The following PLXNC1 variants were observed in gnomAD, a reference collection of about 807,000 sequenced individuals.
The protein encoded by PLXNC1 is plexin C1, also known as plexin-C1.
PLXNC1 carries 75 observed loss-of-function variants against 178.2 expected under a neutral mutation model. The observed-to-expected ratio is 0.42, with a 90% CI of 0.35 to 0.51. The LOEUF (loss-of-function observed/expected upper bound fraction) is 0.51, where lower values mean the gene tolerates loss of function less well. Ranked by LOEUF, PLXNC1 falls within the 20% of genes least tolerant of loss-of-function variation. The probability of loss-of-function intolerance (pLI) is 0.02; values close to 1 mark genes in which losing one functional copy is unlikely to be tolerated. For missense variants in PLXNC1, 1,503 were observed against 1,984.4 expected (o/e 0.76, Z 4.61); for synonymous variants, 790 against 779.9 (o/e 1.01, Z -0.22).
chr12:94,265,384 C>T (rs938283152), intron 21 of PLXNC1, among the ~76,000 whole-genome samples, 159 bp downstream of exon 21: 14 of 152,104 alleles, frequency 9.2e-5, no homozygotes, highest in African/African-American at 1.2e-4. Context: ...ACTGTTAACA[C>T]GTGTTCACAT....
intron 4 of PLXNC1, among the ~76,000 whole-genome samples, chr12:94,190,123 C>T (rs141492583): frequency 2.0e-5 from 3 of 152,146 alleles, no homozygotes; most frequent in Non-Finnish European, 2.9e-5. Context: ...TTGAGAGGGG[C>T]CTGGGGAAGC....
intron 25 of PLXNC1, 33 bp from the exon 26 acceptor site, chr12:94,297,283 C>T: frequency 1.2e-6 from 2 of 1,612,358 alleles, no homozygotes; most frequent in Non-Finnish European, 1.7e-6. Context: ...AGAGTGGTCT[C>T]CTTGGGTAAC....
intron 1 of PLXNC1, among the ~76,000 whole-genome samples, chr12:94,164,860 C>T (rs938692045): frequency 6.6e-6 from 1 of 152,046 alleles, no homozygotes; most frequent in Non-Finnish European, 1.5e-5. Flanking sequence ...AGCCGGCAAA[C>T]GTGTAGGCGT....
intron 20 of PLXNC1, chr12:94,262,434 TG>T (rs1443903302): frequency 2.1e-6 from 2 of 937,866 alleles, no homozygotes; most frequent in African/African-American, 3.6e-5. Context: ...GGGCTGCTCT[TG>T]GGCATTAGAG....
In PLXNC1 at chr12:94,306,211, T is replaced by TC. The variant is rs769891544; in HGVS notation, c.*926_*927insC. Reference sequence around the variant, plus strand: ...TTCTGGTGAACCCTGTGGTTATGAATACTTGTGTGTGATTTAAAAAAAAAA... The same window carrying TC: ...TTCTGGTGAACCCTGTGGTTATGAATCACTTGTGTGTGATTTAAAAAAAAAA... On this transcript the variant is annotated 3_prime_UTR_variant, in exon 31 of 31. Transcript: ENST00000258526. 6.6e-6 allele frequency: 1 copy of TC among 151,832 alleles called. No individual in the cohort carries two copies. Among genetic ancestry groups the TC allele is most frequent in the Non-Finnish European group, 1.5e-5 (1 of 67,996 alleles). 9.4% of individuals were successfully genotyped at this position (151,832 alleles called of 1,614,324 possible).
intron 23 of PLXNC1, among the ~76,000 whole-genome samples, chr12:94,287,723 G>T (rs1592946076): frequency 6.6e-6 from 1 of 152,222 alleles, no homozygotes; most frequent in East Asian, 1.9e-4. Flanking sequence ...AGTAAGGTCA[G>T]CAATGCTTCT....
intron 11 of PLXNC1, among the ~76,000 whole-genome samples, chr12:94,243,125 T>A (rs1481619790): frequency 1.3e-5 from 2 of 152,230 alleles, no homozygotes; most frequent in African/African-American, 2.4e-5. Flanking sequence ...CCCTTCCCCA[T>A]TGTGGCTGGA....
intron 11 of PLXNC1, among the ~76,000 whole-genome samples, chr12:94,242,530 ACCAC>A (rs1964419120): frequency 6.6e-6 from 1 of 151,594 alleles, no homozygotes; most frequent in Non-Finnish European, 1.5e-5. Flanking sequence ...TACCTCTTTA[ACCAC>A]CCACGTCTCT....
intron 21 of PLXNC1, among the ~76,000 whole-genome samples, chr12:94,270,394 G>A (rs995507855): frequency 6.6e-6 from 1 of 152,162 alleles, no homozygotes; most frequent in Admixed American, 6.5e-5. Context: ...ATACTTTCTG[G>A]CCCTTTGCAG....
At chr12:94,227,293 A>G in intron 9 of PLXNC1, 58 bp downstream of exon 9, 1 of 951,774 alleles carries the variant, frequency 1.1e-6, no homozygotes, top group Middle Eastern at 2.1e-4. Context: ...GACCATGACC[A>G]CAACTCATAC....
intron 5 of PLXNC1, 152 bp from the exon 6 acceptor site, chr12:94,219,864 C>T (rs1963745499): frequency 7.5e-6 from 3 of 399,092 alleles, no homozygotes. Flanking sequence ...CAGTGTCTTG[C>T]TCTGTCACCC....
At position 94,300,937 on chromosome 12, in the gene PLXNC1, C is replaced by T. The variant is rs540349198; in HGVS notation, c.4266C>T (p.Ile1422=). The part of the protein sequence containing the change: ...NSLPLRFWVN[I]LKNPQFVFDI... ...TTCCTCTTCGCTTCTGGGTAAACATCCTGAAGAACCCTCAGTTTGTCTTTG... is the reference window on the plus strand; with the variant it reads ...TTCCTCTTCGCTTCTGGGTAAACATTCTGAAGAACCCTCAGTTTGTCTTTG... Residue 1422 remains isoleucine (I), a synonymous_variant, in exon 28 of 31, where the codon ATC becomes ATT. Coordinates refer to ENST00000258526, the MANE Select transcript of PLXNC1 (RefSeq NM_005761.3). The T allele has an allele frequency of 2.5e-6, 4 of 1,613,022 alleles. No homozygotes were observed. Among genetic ancestry groups the T allele is most frequent in the African/African-American group, 2.7e-5 (2 of 75,004 alleles).
chr12:94,212,266 T>G (rs528741835), intron 5 of PLXNC1, among the ~76,000 whole-genome samples: 1 of 80,786 alleles, frequency 1.2e-5, no homozygotes, highest in Non-Finnish European at 2.2e-5. Flanking sequence ...AGAGCGAGAC[T>G]CCGTCTCAAA....
intron 2 of PLXNC1, among the ~76,000 whole-genome samples, chr12:94,179,527 G>A (rs969285696): frequency 6.6e-6 from 1 of 152,146 alleles, no homozygotes; most frequent in African/African-American, 2.4e-5. Flanking sequence ...GATCACCTCA[G>A]GTCAGGAGTT....
At chr12:94,231,450 C>T (rs1218211360) in intron 9 of PLXNC1, among the ~76,000 whole-genome samples, 1 of 152,096 alleles carries the variant, frequency 6.6e-6, no homozygotes, top group Non-Finnish European at 1.5e-5. Context: ...TCGCTTTATT[C>T]TTCAGTGGCA....
chr12:94,249,791 G>A (rs144976804), intron 14 of PLXNC1, among the ~76,000 whole-genome samples: 3,477 of 152,238 alleles, frequency 0.023, 54 homozygotes, highest in East Asian at 0.061. Flanking sequence ...AGCCTACGCT[G>A]TGATGGGGAC....
At position 94,248,106 on chromosome 12, in the gene PLXNC1, A is replaced by G; in HGVS notation, c.2592A>G (p.Gln864=). Reference sequence around the variant, plus strand: ...ACACAGAACTGGAAGTGAAAATTCAAGTATGTTTCTTTTCTTTCTGGGTGG... The same window carrying G: ...ACACAGAACTGGAAGTGAAAATTCAGGTATGTTTCTTTTCTTTCTGGGTGG... ...EVDTELEVKI[Q]KENDNFNISK... is the part of the protein sequence containing the mutation. Residue 864 remains glutamine (Q), a splice_region_variant and synonymous_variant, in exon 13 of 31, where the codon CAA becomes CAG. Transcript: ENST00000258526. 6.2e-7 allele frequency: 1 copy of G among 1,613,880 alleles called. No homozygotes were observed. Among genetic ancestry groups the G allele is most frequent in the Non-Finnish European group, 8.5e-7 (1 of 1,179,850 alleles).
Position 94,282,389 on chromosome 12 carries a change from T to C in PLXNC1, c.3867T>C (p.Ile1289=), listed in dbSNP as rs145185575. 8 of 1,609,042 alleles carry C rather than the reference T, an allele frequency of 5.0e-6. No individual in the cohort carries two copies. In the African/African-American group the frequency reaches 1.1e-4, roughly 22 times the overall value. Residue 1289 remains isoleucine (I), a synonymous_variant, in exon 23 of 31, where the codon ATT becomes ATC. Transcript: ENST00000258526. ...ATGGAATCACCAAGCTAAACACCAT[T>C]GGCCACTATGAGGTAAGAGCAAGAC... ...LEDGITKLNT[I]GHYEISNGST...
At chr12:94,151,884 C>T (rs1332031787) in intron 1 of PLXNC1, among the ~76,000 whole-genome samples, 1 of 152,144 alleles carries the variant, frequency 6.6e-6, no homozygotes, top group African/African-American at 2.4e-5. Flanking sequence ...CTGCTTGTGC[C>T]GGGATGGGGA....
Sources: allele counts gnomAD v4.1 joint callset (sites outside exome capture counted in the v4.1 genomes callset), GRCh38; gene constraint gnomAD v4.1.1; transcripts MANE v1.5; gene names NCBI Gene and HGNC (gene_info 2026-07-23, HGNC 2026-07-21).